The following SVEP1 variants were observed in gnomAD, a reference collection of about 807,000 sequenced individuals.
SVEP1 encodes the protein sushi, von Willebrand factor type A, EGF and pentraxin domain-containing protein 1.
SVEP1 carries 164 observed loss-of-function variants against 367.3 expected under a neutral mutation model. That is an observed-to-expected ratio of 0.45 (90% CI 0.39 to 0.51). SVEP1 has a LOEUF of 0.51. Among genes scored for constraint, SVEP1 ranks in the 20% least tolerant of loss-of-function variants. SVEP1 has a pLI of 0.00. For synonymous variants in SVEP1, 1,666 were observed against 1,611.6 expected (o/e 1.03, Z -0.81); for missense variants, 4,117 against 4,425.3 (o/e 0.93, Z 1.98).
intron 12 of SVEP1, 89 bp from the exon 13 acceptor site, chr9:110,479,845 T>G: frequency 6.7e-7 from 1 of 1,493,338 alleles, no homozygotes; most frequent in Non-Finnish European, 9.1e-7. Flanking sequence ...AACAATGTTT[T>G]AATTCTAACA....
rs1279525016 is a variant in SVEP1, at chr9:110,443,612, C to A, written c.4572G>T (p.Trp1524Cys). 1 of 1,613,212 alleles carries A rather than the reference C, an allele frequency of 6.2e-7. No homozygotes were observed. The change falls in exon 27 of 48, where the codon TGG (tryptophan) becomes TGT (cysteine). Residue 1524 changes from tryptophan to cysteine, a missense_variant. Physicochemically the swap from Trp to Cys is radical, Grantham distance 215. Transcript: ENST00000374469. ...ATAATTTCCCATCGATATAGACTTT[C>A]CAGATGCCATTGGCACTTGTCCAAG... ...AITWTSANGI[W>C]KVYIDGKLSD...
chr9:110,390,241 G>GTATATATACTTATATATATACACATACT (rs1564127391), intron 40 of SVEP1, among the ~76,000 whole-genome samples: 2 of 52,646 alleles, frequency 3.8e-5, no homozygotes, highest in Non-Finnish European at 7.5e-5. Flanking sequence ...ATAAGTATGT[G>GTATATATACTTATATATATACACATACT]TATATATACT....
chr9:110,436,675 GT>G (rs1160832791), intron 27 of SVEP1, among the ~76,000 whole-genome samples, 171 bp from the exon 28 acceptor site: 1 of 152,158 alleles, frequency 6.6e-6, no homozygotes, highest in Admixed American at 6.5e-5. Flanking sequence ...CAAATTCAAT[GT>G]TTTATATAGC....
chr9:110,401,029 A>G lies in SVEP1; in HGVS notation c.9667-20T>C. 1 of 1,612,176 alleles carries G rather than the reference A, an allele frequency of 6.2e-7. No homozygotes were observed. The highest frequency in any genetic ancestry group is 1.1e-5 in the South Asian group (1 of 90,802). ...ATCAAGCTAAGTGACAAATAACAAA[A>G]TGTAAGTTATGTTTAGAAGTTAATA... is the stretch of plus-strand genomic sequence containing the variant. On this transcript the variant is annotated intron_variant, in intron 39 of 47. Transcript: ENST00000374469.
intron 42 of SVEP1, among the ~76,000 whole-genome samples, chr9:110,387,031 C>CA (rs1827535679): frequency 1.3e-5 from 2 of 151,628 alleles, no homozygotes; most frequent in Admixed American, 1.3e-4. Context: ...ACATGTATGT[C>CA]AAAATTTTTT....
intron 40 of SVEP1, among the ~76,000 whole-genome samples, chr9:110,393,865 T>C (rs1415351993): frequency 1.3e-5 from 2 of 152,120 alleles, no homozygotes; most frequent in Non-Finnish European, 1.5e-5. Context: ...CCAGGAAGCT[T>C]GAACTGGGTG....
At position 110,476,329 on chromosome 9, in the gene SVEP1, A is replaced by G. The variant is rs1281535005; in HGVS notation, c.2488-14T>C. 4 of 1,581,812 alleles carry G rather than the reference A, an allele frequency of 2.5e-6. No homozygotes were observed. Among genetic ancestry groups the G allele is most frequent in the East Asian group, 2.2e-5 (1 of 44,692 alleles). On this transcript the variant is annotated splice_polypyrimidine_tract_variant and intron_variant, in intron 13 of 47. Coordinates refer to ENST00000374469, the MANE Select transcript of SVEP1 (RefSeq NM_153366.4). ...AAATGATGGGACCTGCAAGTAAAAA[A>G]TGAAGAGGATAAAGTGTAAATCACT...
At chr9:110,401,507 TG>T (rs540217792) in intron 39 of SVEP1, among the ~76,000 whole-genome samples, 6 of 150,314 alleles carry the variant, frequency 4.0e-5, no homozygotes, top group Non-Finnish European at 8.9e-5. Context: ...CACATATTTT[TG>T]AAGGGGTCAT....
rs376076018 is a variant in SVEP1, at chr9:110,568,124, A to G, written c.531+10889T>C. Among the ~76,000 whole-genome samples, 11 of 152,278 alleles carry G rather than the reference A, an allele frequency of 7.2e-5. No individual in the cohort carries two copies. In the East Asian group the frequency reaches 2.1e-3, roughly 29 times the overall value. On this transcript the variant is annotated intron_variant, in intron 1 of 47. Coordinates refer to ENST00000374469, the MANE Select transcript of SVEP1 (RefSeq NM_153366.4). ...GTCTCATTTCCCCACTCTCACATCA[A>G]TATTTACTAGGACCACCTCCCAGAT...
intron 43 of SVEP1, among the ~76,000 whole-genome samples, chr9:110,383,211 T>G (rs1034116921): frequency 6.6e-6 from 1 of 152,202 alleles, no homozygotes; most frequent in Admixed American, 6.5e-5. Context: ...CCAGTTTTGA[T>G]CTTTGAGGTT....
At chr9:110,464,502 G>A (rs1046477096) in intron 18 of SVEP1, among the ~76,000 whole-genome samples, 2 of 152,108 alleles carry the variant, frequency 1.3e-5, no homozygotes, top group Non-Finnish European at 2.9e-5. Flanking sequence ...TGCTGGAAAC[G>A]CCCCTTCCTG....
rs73655369 is a variant in SVEP1, at chr9:110,479,559, C to T, written c.2487+76G>A. 10,856 of 1,457,820 alleles carry T rather than the reference C, an allele frequency of 7.4e-3. 342 individuals carry two copies. The African/African-American group carries it at 0.098, about 13-fold the overall frequency. The allele number at this position is 1,457,820 out of a possible 1,614,324, so 90.3% of individuals were successfully genotyped here. ...AGAAGAGGGAAATAGGATGAGAAAT[C>T]GCAGTTGTAAATGACTCAGAAAGGT... On this transcript the variant is annotated intron_variant, in intron 13 of 47. Transcript: ENST00000374469.
intron 40 of SVEP1, among the ~76,000 whole-genome samples, chr9:110,398,654 C>T (rs183407712): frequency 2.6e-5 from 4 of 151,982 alleles, no homozygotes; most frequent in African/African-American, 9.6e-5. Context: ...AAGAAAAAAA[C>T]AAACAACCCC....
At chr9:110,557,049 C>A (rs947491349) in intron 1 of SVEP1, among the ~76,000 whole-genome samples, 1 of 152,136 alleles carries the variant, frequency 6.6e-6, no homozygotes. Flanking sequence ...AATTTCACCA[C>A]GCCTTGTCTG....
intron 41 of SVEP1, among the ~76,000 whole-genome samples, chr9:110,388,951 A>C (rs989976372): frequency 6.6e-6 from 1 of 152,038 alleles, no homozygotes; most frequent in South Asian, 2.1e-4. Flanking sequence ...CCTGGGTGAC[A>C]GAGTGAGACT....
intron 42 of SVEP1, 60 bp from the exon 43 acceptor site, chr9:110,386,134 T>C (rs1827518551): frequency 2.6e-6 from 4 of 1,557,946 alleles, no homozygotes; most frequent in East Asian, 4.5e-5. Context: ...ATGTATTTCT[T>C]TGAAGGTGGA....
At chr9:110,393,684 T>TA (rs138802506) in intron 40 of SVEP1, among the ~76,000 whole-genome samples, 18,189 of 152,172 alleles carry the variant, frequency 0.12, 1,178 homozygotes, top group African/African-American at 0.13. Flanking sequence ...CCAACAGGCT[T>TA]AAAAAACAGC....
intron 6 of SVEP1, among the ~76,000 whole-genome samples, chr9:110,499,654 C>G (rs1462167560): frequency 6.6e-6 from 1 of 152,296 alleles, no homozygotes; most frequent in South Asian, 2.1e-4. Flanking sequence ...TATTTTTAAG[C>G]AAGCATATAA....
chr9:110,482,532 C>G, intron 10 of SVEP1, 40 bp from the exon 11 acceptor site: 3 of 1,547,472 alleles, frequency 1.9e-6, no homozygotes, highest in Non-Finnish European at 2.6e-6. Context: ...GGGTTGTATT[C>G]ACAATATTTT....
Sources: gnomAD v4.1 joint callset for allele counts (sites outside exome capture counted in the v4.1 genomes callset) on GRCh38, gnomAD v4.1.1 for gene constraint, MANE v1.5 for transcripts, NCBI Gene and HGNC (gene_info 2026-07-23, HGNC 2026-07-21) for gene names.